The following TAF6 variants were observed in gnomAD, a reference collection of about 807,000 sequenced individuals.
The protein encoded by TAF6 is TATA-box binding protein associated factor 6.
In TAF6, 50 loss-of-function variants were observed where a neutral mutation model predicts 73.5. The observed-to-expected ratio is 0.68, with a 90% CI of 0.54 to 0.86. The LOEUF (loss-of-function observed/expected upper bound fraction) is 0.86, where lower values mean the gene tolerates loss of function less well. Among genes scored for constraint, TAF6 ranks in the 40% least tolerant of loss-of-function variants. The probability of loss-of-function intolerance (pLI) is 0.00; values close to 1 mark genes in which losing one functional copy is unlikely to be tolerated. For missense variants in TAF6, 768 were observed against 899.5 expected (o/e 0.85, Z 1.87); for synonymous variants, 424 against 376.7 (o/e 1.13, Z -1.45).
rs543812506 is a variant in TAF6 at position 100,108,077 on chromosome 7, C to T, written c.1505G>A (p.Arg502His). The change falls in exon 14 of 15, where the codon CGC (arginine) becomes CAC (histidine). Residue 502 changes from arginine (R) to histidine (H), a missense_variant. Physicochemically the swap from Arg to His is conservative, Grantham distance 29. Transcript: ENST00000453269. ...AGGAACCTTCAGCAAGCCAGGGGTG[C>T]GAGGGCCAGGCTGTGGGGCCTGCGA... ...TLSQAPQPGP[R>H]TPGLLKVPGS... 8 of 1,611,188 alleles carry T rather than the reference C, an allele frequency of 5.0e-6. No homozygotes were observed. Among genetic ancestry groups the T allele is most frequent in the Non-Finnish European group, 6.8e-6 (8 of 1,179,326 alleles).
rs1490616230 is a variant in TAF6 at position 100,107,491 on chromosome 7, G to A, written c.1789C>T (p.Pro597Ser). ...TTCTGGACACTCCCAGGACCAGAGG[G>A]AGCAGTGCTGGGGGGTGCGGTGGTG... ...TATTAPPSTA[P>S]SGPGSVQKYI... Residue 597 changes from proline (P) to serine (S), a missense_variant, in exon 15 of 15, where the codon CCC becomes TCC. By Grantham distance (74) the Pro-to-Ser change is moderately conservative. Around this residue, in one of 5 missense-constraint regions of TAF6, gnomAD observed 350 missense variants for 352.3 expected, o/e 0.99. Transcript: ENST00000453269. 8 of 1,614,082 alleles carry A rather than the reference G, an allele frequency of 5.0e-6. No individual in the cohort carries two copies. Among genetic ancestry groups the A allele is most frequent in the Non-Finnish European group, 6.8e-6 (8 of 1,179,980 alleles).
Position 100,108,080 on chromosome 7 carries a change from G to A in TAF6, c.1502C>T (p.Pro501Leu). 2 of 1,611,212 alleles carry A rather than the reference G, an allele frequency of 1.2e-6. No individual in the cohort carries two copies. The highest frequency in any genetic ancestry group is 1.7e-6 in the Non-Finnish European group (2 of 1,179,318). ...AACCTTCAGCAAGCCAGGGGTGCGA[G>A]GGCCAGGCTGTGGGGCCTGCGAGAG... ...LTLSQAPQPG[P>L]RTPGLLKVPG... The change falls in exon 14 of 15, where the codon CCT becomes CTT. Residue 501 changes from proline (P) to leucine (L), a missense_variant. By Grantham distance (98) the Pro-to-Leu change is moderately conservative. Around this residue, in one of 5 missense-constraint regions of TAF6, gnomAD observed 350 missense variants for 352.3 expected, o/e 0.99. Coordinates refer to ENST00000453269, the MANE Select transcript of TAF6 (RefSeq NM_139315.3).
rs572705275 is a variant in TAF6, at chr7:100,119,145, A to C, written c.-60+59T>G. 2.1e-5 allele frequency: 21 copies of C among 986,922 alleles called. No homozygotes were observed. In the African/African-American group the frequency reaches 3.7e-4, roughly 17 times the overall value. 61.1% of individuals were successfully genotyped at this position (986,922 alleles called of 1,614,324 possible). ...CAGAGAGCCCACCCCATCTCCTGCA[A>C]CATCTCTCCAATGCAGGCACACACA... On this transcript the variant is annotated intron_variant, in intron 1 of 14. Coordinates refer to ENST00000453269, the MANE Select transcript of TAF6 (RefSeq NM_139315.3).
the TAF6 span, chr7:100,125,005 A>G: frequency 1.6e-6 from 2 of 1,220,966 alleles, no homozygotes; most frequent in Non-Finnish European, 2.3e-6. Context: ...CCAAGCTTGT[A>G]GCTGTTCTCT....
upstream of TAF6, chr7:100,120,133 G>A (rs1056093743): frequency 2.9e-6 from 1 of 341,690 alleles, no homozygotes; most frequent in Non-Finnish European, 5.4e-6. Flanking sequence ...GGGACCATCG[G>A]CCCGGGACTG....
intron 7 of TAF6, 36 bp from the exon 8 acceptor site, chr7:100,112,035 G>A (rs778136553): frequency 6.2e-7 from 1 of 1,613,024 alleles, no homozygotes; most frequent in Non-Finnish European, 8.5e-7. Flanking sequence ...GTGGGGGTGG[G>A]ATGTGGGGAG....
Position 100,108,123 on chromosome 7 carries a change from G to T in TAF6, c.1459C>A (p.Pro487Thr). The change falls in exon 14 of 15, where the codon CCC becomes ACC. Residue 487 changes from proline to threonine, a missense_variant and splice_region_variant. Transcript: ENST00000453269. ...VNRTTLTITQPRPTLTLSQAP... is the reference protein window; with the variant it reads ...VNRTTLTITQTRPTLTLSQAP... ...TGCGAGAGGGTCAGCGTGGGCCGGG[G>T]CTGCGGGGAGAAGAGGAAAGGGGGA... 6.3e-7 allele frequency: 1 copy of T among 1,593,810 alleles called. No individual in the cohort carries two copies. Among genetic ancestry groups the T allele is most frequent in the Non-Finnish European group, 8.5e-7 (1 of 1,173,126 alleles).
intron 6 of TAF6, 30 bp downstream of exon 6, chr7:100,112,768 T>TC (rs1163550887): frequency 6.3e-7 from 1 of 1,576,106 alleles, no homozygotes; most frequent in Admixed American, 1.9e-5. Flanking sequence ...TGGGCAAGAG[T>TC]CCAGAGAGGC....
chr7:100,114,241 TGAAG>T lies in TAF6; in HGVS notation c.-36_-33del. The T allele has an allele frequency of 6.2e-7, 1 of 1,613,490 alleles. No individual in the cohort carries two copies. The highest frequency in any genetic ancestry group is 1.1e-5 in the South Asian group (1 of 91,082). Reference sequence around the variant, plus strand: ...GTCCCTCTTCTCCTCCCTGGAAGGATGAAGCCCCCGGTGGAGAGACGGAGACCCT... The same window carrying T: ...GTCCCTCTTCTCCTCCCTGGAAGGATCCCCCGGTGGAGAGACGGAGACCCT... On this transcript the variant is annotated 5_prime_UTR_variant, in exon 2 of 15. Coordinates refer to ENST00000453269, the MANE Select transcript of TAF6 (RefSeq NM_139315.3).
rs1417537751 is a variant in TAF6, at chr7:100,107,942, G to A, written c.1640C>T (p.Ala547Val). 5 of 1,611,860 alleles carry A rather than the reference G, an allele frequency of 3.1e-6. No individual in the cohort carries two copies. Among genetic ancestry groups the A allele is most frequent in the Non-Finnish European group, 3.4e-6 (4 of 1,178,606 alleles). The part of the protein sequence containing the change: ...KFIVMSSSSS[A>V]PSTQQVLSLS... ...TCTGCATACCTGCTGGGTGGATGGG[G>A]CGCTGGAGGACGATGACATTACAAT... Residue 547 changes from alanine (A) to valine (V), a missense_variant, in exon 14 of 15, where the codon GCC (alanine) becomes GTC (valine). Around this residue, in one of 5 missense-constraint regions of TAF6, gnomAD observed 350 missense variants for 352.3 expected, o/e 0.99. Coordinates refer to ENST00000453269, the MANE Select transcript of TAF6 (RefSeq NM_139315.3).
chr7:100,125,103 A>T, the TAF6 span: 1 of 549,420 alleles, frequency 1.8e-6, no homozygotes. Flanking sequence ...GCTCCTAGAG[A>T]TGAACTCTAT....
the TAF6 span, among the ~76,000 whole-genome samples, chr7:100,126,378 C>T: frequency 6.4e-4 from 97 of 152,224 alleles, 1 homozygote; most frequent in Non-Finnish European, 6.9e-4. Flanking sequence ...GGCGTGCACG[C>T]CTGTATTCCC....
chr7:100,108,141 AAG>A lies in TAF6; in HGVS notation c.1459-20_1459-19del, dbSNP rs747570581. On this transcript the variant is annotated intron_variant, in intron 13 of 14. Transcript: ENST00000453269. ...GGCCGGGGCTGCGGGGAGAAGAGGA[AAG>A]GGGGAAGTGGCACCATCTACTAAGA... The A allele has an allele frequency of 1.3e-6, 2 of 1,580,186 alleles. No homozygotes were observed. The highest frequency in any genetic ancestry group is 2.1e-4 in the Middle Eastern group (1 of 4,668).
upstream of TAF6, chr7:100,124,545 T>C (rs759537243): frequency 1.5e-5 from 24 of 1,612,690 alleles, no homozygotes; most frequent in South Asian, 9.9e-5. Flanking sequence ...TTTGAAGACA[T>C]TGTGGGAGAC....
At chr7:100,126,364 G>A in the TAF6 span, among the ~76,000 whole-genome samples, 1 of 151,910 alleles carries the variant, frequency 6.6e-6, no homozygotes, top group Non-Finnish European at 1.5e-5. Flanking sequence ...AAAAAATTTA[G>A]AGGGGCGTGC....
At chr7:100,112,963 A>G (rs75847419) in intron 5 of TAF6, 46 bp from the exon 6 acceptor site, 2 of 1,422,702 alleles carry the variant, frequency 1.4e-6, no homozygotes, top group Non-Finnish European at 1.9e-6. Flanking sequence ...AGCATAGTAG[A>G]AAAGTAAAAG....
chr7:100,112,127 G>A lies in TAF6; in HGVS notation c.701C>T (p.Ser234Phe). ...CCTCACCGCCCTCTTGGCCTCGCAG[G>A]AGCCCACGCAGGCCTCGGTGATCTC... is the stretch of plus-strand genomic sequence containing the variant. The part of the protein sequence containing the change: ...YKEITEACVG[S>F]CEAKRAEALQ... Residue 234 changes from serine to phenylalanine, a missense_variant, in exon 7 of 15, where the codon TCC (serine) becomes TTC (phenylalanine). Physicochemically the swap from Ser to Phe is radical, Grantham distance 155. Transcript: ENST00000453269. 6.2e-7 allele frequency: 1 copy of A among 1,613,876 alleles called. No individual in the cohort carries two copies. The highest frequency in any genetic ancestry group is 8.5e-7 in the Non-Finnish European group (1 of 1,179,876).
chr7:100,108,923 T>C (rs576896895), intron 12 of TAF6: 57 of 152,558 alleles, frequency 3.7e-4, no homozygotes, highest in Admixed American at 1.4e-3. Flanking sequence ...ACTGGGGAGG[T>C]TGAGGTACTA....
At chr7:100,116,167 A>G (rs967160113) in intron 1 of TAF6, among the ~76,000 whole-genome samples, 1 of 152,162 alleles carries the variant, frequency 6.6e-6, no homozygotes, top group Non-Finnish European at 1.5e-5. Context: ...GCAGATTGTC[A>G]TTTCTTTGCT....
Sources: gnomAD v4.1 joint callset for allele counts (sites outside exome capture counted in the v4.1 genomes callset) on GRCh38, gnomAD v4.1.1 for gene constraint, gnomAD v4.1.1 regional missense constraint, MANE v1.5 for transcripts, NCBI Gene and HGNC (gene_info 2026-07-23, HGNC 2026-07-21) for gene names.